Variants in CSMD1 observed in about 807,000 individuals in gnomAD.
CSMD1 encodes the protein CUB and Sushi multiple domains 1, also known as CUB and sushi domain-containing protein 1.
CSMD1 carries 213 observed loss-of-function variants against 417.5 expected under a neutral mutation model. That is an observed-to-expected ratio of 0.51 (90% CI 0.46 to 0.57). The LOEUF is 0.57. Ranked by LOEUF, CSMD1 falls within the 20% of genes least tolerant of loss-of-function variation. The pLI, the probability that CSMD1 is intolerant of heterozygous loss-of-function variation, is 0.00. For synonymous variants in CSMD1, 2,862 were observed against 1,736.8 expected, an observed-to-expected ratio of 1.65 and a Z score of -16.11; for missense variants, 6,923 against 4,529.7, an observed-to-expected ratio of 1.53 and a Z score of -15.17.
At chr8:3,020,912 T>C (rs1048528556) in intron 51 of CSMD1, among the ~76,000 whole-genome samples, 2 of 152,252 alleles carry the variant, frequency 1.3e-5, no homozygotes, top group African/African-American at 2.4e-5. Context: ...CTCTACCAAA[T>C]GTTAATGAAC....
chr8:4,064,902 A>G (rs1799166303), intron 3 of CSMD1, among the ~76,000 whole-genome samples: 1 of 150,588 alleles, frequency 6.6e-6, no homozygotes, highest in Non-Finnish European at 1.5e-5. Flanking sequence ...CAAAGTGGTC[A>G]ATTCCATTGA....
Position 3,387,491 on chromosome 8 carries a change from T to C in CSMD1, c.2782+3A>G. The C allele has an allele frequency of 6.3e-7, 1 of 1,594,304 alleles. No individual in the cohort carries two copies. The highest frequency in any genetic ancestry group is 8.5e-7 in the Non-Finnish European group (1 of 1,170,026). On this transcript the variant is annotated splice_donor_region_variant and intron_variant, in intron 18 of 69. Coordinates refer to ENST00000635120, the MANE Select transcript of CSMD1 (RefSeq NM_033225.6). Reference sequence around the variant, plus strand: ...GTGCATTGCCTCACTGAGCTGTACCTACCGTCGCAGCTGGGCAAGGCGTGG... The same window carrying C: ...GTGCATTGCCTCACTGAGCTGTACCCACCGTCGCAGCTGGGCAAGGCGTGG...
Position 4,420,049 on chromosome 8 carries a change from G to T in CSMD1, c.319C>A (p.Leu107Met). ...NLKVRLSGFQ[L>M]PSSIVSTGSI... Reference sequence around the variant, plus strand: ...CCTGTACTCACTATAGAGGAGGGCAGCTGAAATCCCGATAATCTAAATTTA... The same window carrying T: ...CCTGTACTCACTATAGAGGAGGGCATCTGAAATCCCGATAATCTAAATTTA... Residue 107 changes from leucine to methionine, a missense_variant, in exon 3 of 70, where the codon CTG becomes ATG. By Grantham distance (15) the Leu-to-Met change is conservative. Transcript: ENST00000635120. 1.3e-6 allele frequency: 2 copies of T among 1,568,578 alleles called. No homozygotes were observed. Among genetic ancestry groups the T allele is most frequent in the Non-Finnish European group, 1.7e-6 (2 of 1,155,022 alleles).
At chr8:4,956,887 A>G (rs1292946436) in intron 1 of CSMD1, among the ~76,000 whole-genome samples, 1 of 152,132 alleles carries the variant, frequency 6.6e-6, no homozygotes, top group Non-Finnish European at 1.5e-5. Flanking sequence ...CCAAGCGGCA[A>G]TCCCCAACCA....
intron 1 of CSMD1, among the ~76,000 whole-genome samples, chr8:4,682,906 A>G (rs1468868860): frequency 4.1e-5 from 6 of 147,526 alleles, no homozygotes; most frequent in East Asian, 2.0e-4. Flanking sequence ...ACTTTGGAAC[A>G]TTTTTAGAGA....
At chr8:3,493,556 C>G in intron 11 of CSMD1, 67 bp downstream of exon 11, 1 of 1,342,020 alleles carries the variant, frequency 7.5e-7, no homozygotes, top group Non-Finnish European at 1.0e-6. Flanking sequence ...GTAGCAGAAT[C>G]TCATCTCCAC....
intron 15 of CSMD1, 21 bp downstream of exon 15, chr8:3,406,006 G>A (rs1161518): frequency 0.33 from 530,888 of 1,604,226 alleles, 90,272 homozygotes; most frequent in East Asian, 0.52. Context: ...GGAGAAGAGC[G>A]GGGGGTGGCA....
intron 3 of CSMD1, among the ~76,000 whole-genome samples, chr8:4,034,466 A>C (rs1797514178): frequency 6.6e-6 from 1 of 152,198 alleles, no homozygotes; most frequent in Admixed American, 6.5e-5. Flanking sequence ...TTCTGTATTT[A>C]ATTCCACATT....
At chr8:4,972,248 G>A (rs1339356053) in intron 1 of CSMD1, among the ~76,000 whole-genome samples, 1 of 150,900 alleles carries the variant, frequency 6.6e-6, no homozygotes, top group African/African-American at 2.5e-5. Flanking sequence ...CAAAACCATG[G>A]AATGGGACAC....
intron 1 of CSMD1, among the ~76,000 whole-genome samples, chr8:4,742,356 C>G (rs1052165018): frequency 6.6e-6 from 1 of 151,882 alleles, no homozygotes; most frequent in African/African-American, 2.4e-5. Context: ...AAGCACATCT[C>G]TAAGCCACCG....
intron 21 of CSMD1, 128 bp downstream of exon 21, chr8:3,359,024 G>A: frequency 1.3e-6 from 1 of 795,324 alleles, no homozygotes; most frequent in Non-Finnish European, 2.0e-6. Flanking sequence ...TGGCAGAGTG[G>A]AGCCCACACT....
chr8:3,055,660 C>T (rs945274817), intron 49 of CSMD1, among the ~76,000 whole-genome samples: 1 of 152,188 alleles, frequency 6.6e-6, no homozygotes, highest in African/African-American at 2.4e-5. Context: ...AATTTCCTTA[C>T]ATTTGGTATA....
Position 4,464,018 on chromosome 8 carries a change from C to G in CSMD1, c.303-43953G>C, listed in dbSNP as rs560434178. On this transcript the variant is annotated intron_variant, in intron 2 of 69. Transcript: ENST00000635120. ...TCATTTCCTGTTATATCACATGACA[C>G]CTATATTAATTCAGTTTACGAATTA... Among the ~76,000 whole-genome samples the G allele has an allele frequency of 2.6e-5, 4 of 151,886 alleles. No homozygotes were observed. The South Asian group carries it at 8.4e-4, about 32-fold the overall frequency.
intron 5 of CSMD1, among the ~76,000 whole-genome samples, chr8:3,761,681 T>C (rs1372362474): frequency 1.3e-5 from 2 of 151,980 alleles, no homozygotes; most frequent in African/African-American, 4.8e-5. Context: ...AATTTTTGTA[T>C]TTTTAGTAGA....
chr8:4,440,530 C>A, intron 2 of CSMD1, among the ~76,000 whole-genome samples: 1 of 152,226 alleles, frequency 6.6e-6, no homozygotes. Flanking sequence ...AAGACATGTA[C>A]AGATAACATT....
intron 1 of CSMD1, among the ~76,000 whole-genome samples, chr8:4,857,003 C>T (rs1801840614): frequency 6.7e-6 from 1 of 149,120 alleles, no homozygotes; most frequent in South Asian, 2.1e-4. Context: ...CAAAATTGAC[C>T]ACATACTGGG....
At chr8:4,909,492 A>AT (rs1207002334) in intron 1 of CSMD1, among the ~76,000 whole-genome samples, 28 of 152,202 alleles carry the variant, frequency 1.8e-4, no homozygotes, top group Admixed American at 2.6e-4. Context: ...TCTAGCAGAG[A>AT]TTTTTCCCTA....
intron 2 of CSMD1, among the ~76,000 whole-genome samples, chr8:4,520,831 T>A (rs1344835165): frequency 2.6e-5 from 4 of 152,212 alleles, no homozygotes; most frequent in African/African-American, 9.6e-5. Flanking sequence ...GTATAACGTA[T>A]ATACCAGGTT....
At chr8:3,273,154 T>C (rs1322384414) in intron 26 of CSMD1, among the ~76,000 whole-genome samples, 2 of 151,498 alleles carry the variant, frequency 1.3e-5, no homozygotes, top group Non-Finnish European at 2.9e-5. Flanking sequence ...GTTGTTGAAT[T>C]TTGTCAAAGG....
Sources: gnomAD v4.1 joint callset for allele counts (sites outside exome capture counted in the v4.1 genomes callset) on GRCh38, gnomAD v4.1.1 for gene constraint, MANE v1.5 for transcripts, NCBI Gene and HGNC (gene_info 2026-07-23, HGNC 2026-07-21) for gene names.